The following LSM14A variants were observed in gnomAD, a reference collection of about 807,000 sequenced individuals.
The protein encoded by LSM14A is protein LSM14 homolog A.
In LSM14A, 14 loss-of-function variants were observed where a neutral mutation model predicts 52.4. The observed-to-expected ratio is 0.27, with a 90% CI of 0.18 to 0.42. The LOEUF (loss-of-function observed/expected upper bound fraction) is 0.42, where lower values mean the gene tolerates loss of function less well. LSM14A is among the 10% of genes least tolerant of loss of function. The pLI is 1.00. For synonymous variants in LSM14A, 185 were observed against 200.3 expected (o/e 0.92, Z 0.64); for missense variants, 417 against 581.8 (o/e 0.72, Z 2.91).
chr19:34,207,368 A>G (rs2071780630), intron 3 of LSM14A, among the ~76,000 whole-genome samples: 1 of 152,228 alleles, frequency 6.6e-6, no homozygotes. Context: ...TCTACTCCCC[A>G]CAGAATTCTT....
chr19:34,180,108 A>G (rs894021417), intron 1 of LSM14A, among the ~76,000 whole-genome samples: 7 of 152,164 alleles, frequency 4.6e-5, no homozygotes, highest in African/African-American at 1.7e-4. Flanking sequence ...TTGTAGATAC[A>G]GGGTTTTGCC....
rs1402877966 is a variant in LSM14A at position 34,213,765 on chromosome 19, T to C, written c.539-1359T>C. Among the ~76,000 whole-genome samples the C allele has an allele frequency of 2.0e-5, 3 of 152,164 alleles. No homozygotes were observed. The East Asian group carries it at 5.8e-4, about 29-fold the overall frequency. ...ATATAATGTATAAGTACAAACCCCA[T>C]TTTTTGTTTTGGCTCTTTTATATTT... is the stretch of plus-strand genomic sequence containing the variant. On this transcript the variant is annotated intron_variant, in intron 4 of 9. Transcript: ENST00000544216.
At chr19:34,224,657 G>C (rs2073247149) in intron 9 of LSM14A, among the ~76,000 whole-genome samples, 1 of 152,098 alleles carries the variant, frequency 6.6e-6, no homozygotes, top group South Asian at 2.1e-4. Flanking sequence ...ATTGTGTGAG[G>C]ATCCCACTTG....
At chr19:34,182,814 A>G (rs2069585074) in intron 1 of LSM14A, among the ~76,000 whole-genome samples, 1 of 144,750 alleles carries the variant, frequency 6.9e-6, no homozygotes, top group South Asian at 2.2e-4. Context: ...AGTGCACTCC[A>G]GCCTAAGCGA....
At position 34,227,609 on chromosome 19, in the gene LSM14A, TG is replaced by T; in HGVS notation, c.*223del. 1 of 459,558 alleles carries T rather than the reference TG, an allele frequency of 2.2e-6. No individual in the cohort carries two copies. The allele number at this position is 459,558 out of a possible 1,614,324, so 28.5% of individuals were successfully genotyped here. On this transcript the variant is annotated 3_prime_UTR_variant, in exon 10 of 10. Coordinates refer to ENST00000544216, the MANE Select transcript of LSM14A (RefSeq NM_015578.4). ...TTAAAACATGAGCATTAAATATATT[TG>T]GAATAGCAGAAGGTTAAGTAATTTC...
chr19:34,203,299 A>G (rs2071436765), intron 3 of LSM14A, among the ~76,000 whole-genome samples: 1 of 147,110 alleles, frequency 6.8e-6, no homozygotes, highest in Non-Finnish European at 1.5e-5. Context: ...ATGGAGGAGT[A>G]TTGGCTGAAT....
chr19:34,209,793 T>G (rs1437040462), intron 4 of LSM14A, among the ~76,000 whole-genome samples: 2 of 151,802 alleles, frequency 1.3e-5, no homozygotes, highest in African/African-American at 4.8e-5. Context: ...TGCCTTGGCC[T>G]CCCCAAAGTG....
intron 1 of LSM14A, among the ~76,000 whole-genome samples, chr19:34,173,144 A>G (rs948447280): frequency 6.6e-6 from 1 of 152,248 alleles, no homozygotes; most frequent in Non-Finnish European, 1.5e-5. Flanking sequence ...GCTTGAGTTC[A>G]TCGCGGATGC....
intron 3 of LSM14A, chr19:34,208,056 T>C (rs1479592151): frequency 2.0e-5 from 3 of 152,210 alleles, no homozygotes; most frequent in Non-Finnish European, 2.9e-5. Context: ...GGTGAAAATA[T>C]AGAAAATGTT....
chr19:34,208,733 C>G, intron 3 of LSM14A, 196 bp from the exon 4 acceptor site: 1 of 480,396 alleles, frequency 2.1e-6, no homozygotes. Flanking sequence ...TTGGCTCCCC[C>G]TTCCCCTGCC....
rs140110006 is a variant in LSM14A at position 34,204,200 on chromosome 19, A to G, written c.416-4729A>G. ...TTGCAGAATATTGTTTTAAGTAGACATGAACTGCTCAACAATATAGACCAA... is the reference window on the plus strand; with the variant it reads ...TTGCAGAATATTGTTTTAAGTAGACGTGAACTGCTCAACAATATAGACCAA... On this transcript the variant is annotated intron_variant, in intron 3 of 9. Transcript: ENST00000544216. Among the ~76,000 whole-genome samples, 943 of 152,362 alleles carry G rather than the reference A, an allele frequency of 6.2e-3. 15 individuals carry two copies. Among genetic ancestry groups the G allele is most frequent in the African/African-American group, 0.022 (904 of 41,588 alleles).
chr19:34,192,936 G>A (rs928720520), intron 1 of LSM14A, among the ~76,000 whole-genome samples: 16 of 151,906 alleles, frequency 1.1e-4, no homozygotes, highest in Admixed American at 4.6e-4. Flanking sequence ...CCAAGATTGC[G>A]TCACTGCACT....
chr19:34,217,206 C>G (rs1206870576), intron 6 of LSM14A, among the ~76,000 whole-genome samples: 9 of 142,862 alleles, frequency 6.3e-5, no homozygotes, highest in Non-Finnish European at 7.5e-5. Context: ...TGTAGTGAGC[C>G]AAGATCGTAC....
intron 4 of LSM14A, among the ~76,000 whole-genome samples, chr19:34,211,485 T>G (rs2072148007): frequency 6.6e-6 from 1 of 151,900 alleles, no homozygotes; most frequent in African/African-American, 2.4e-5. Flanking sequence ...AAAAGTTGCA[T>G]GTAATGGAAA....
At chr19:34,186,852 A>G (rs924157499) in intron 1 of LSM14A, among the ~76,000 whole-genome samples, 1 of 152,076 alleles carries the variant, frequency 6.6e-6, no homozygotes, top group African/African-American at 2.4e-5. Flanking sequence ...TCAGTGTTTC[A>G]TTTGTTGCTC....
At chr19:34,188,361 A>AC (rs1340320193) in intron 1 of LSM14A, among the ~76,000 whole-genome samples, 1 of 151,834 alleles carries the variant, frequency 6.6e-6, no homozygotes, top group African/African-American at 2.4e-5. Flanking sequence ...GAGGACAACC[A>AC]CCCCTAGTTT....
At chr19:34,218,834 G>A (rs73595739) in intron 6 of LSM14A, among the ~76,000 whole-genome samples, 190 of 152,262 alleles carry the variant, frequency 1.2e-3, no homozygotes, top group African/African-American at 4.4e-3. Flanking sequence ...GATGGAGTAG[G>A]AAGTGTTTTG....
chr19:34,226,466 T>TA (rs754110489), intron 9 of LSM14A: 112 of 1,516,640 alleles, frequency 7.4e-5, no homozygotes, highest in Admixed American at 2.6e-4. Flanking sequence ...TTCTGAAAGG[T>TA]AAAAAAAACA....
chr19:34,214,384 T>C (rs1344312858), intron 4 of LSM14A, among the ~76,000 whole-genome samples: 2 of 151,868 alleles, frequency 1.3e-5, no homozygotes, highest in Admixed American at 1.3e-4. Context: ...CAATCTCGGC[T>C]CACTGCAGCT....
Sources: gnomAD v4.1 joint callset for allele counts (sites outside exome capture counted in the v4.1 genomes callset) on GRCh38, gnomAD v4.1.1 for gene constraint, MANE v1.5 for transcripts, NCBI Gene and HGNC (gene_info 2026-07-23, HGNC 2026-07-21) for gene names.